The following GPC6 variants were observed in gnomAD, a reference collection of about 807,000 sequenced individuals.
The protein encoded by GPC6 is glypican 6.
GPC6 carries 14 observed loss-of-function variants against 55.2 expected under a neutral mutation model. The observed-to-expected ratio is 0.25, with a 90% CI of 0.17 to 0.40. GPC6 has a LOEUF of 0.40. Ranked by LOEUF, GPC6 falls within the 10% of genes least tolerant of loss-of-function variation. The probability of loss-of-function intolerance (pLI) is 1.00; values close to 1 mark genes in which losing one functional copy is unlikely to be tolerated. For synonymous variants in GPC6, 278 were observed against 259.6 expected, an observed-to-expected ratio of 1.07 and a Z score of -0.68; for missense variants, 641 against 708.5, an observed-to-expected ratio of 0.90 and a Z score of 1.08.
chr13:93,628,220 G>T (rs1473767078), intron 2 of GPC6, among the ~76,000 whole-genome samples: 1 of 152,214 alleles, frequency 6.6e-6, no homozygotes, highest in East Asian at 1.9e-4. Flanking sequence ...CAGAGCCTCA[G>T]CTTGCAGACA....
chr13:93,742,516 A>C (rs985007955), intron 2 of GPC6, among the ~76,000 whole-genome samples: 1 of 152,200 alleles, frequency 6.6e-6, no homozygotes, highest in Admixed American at 6.5e-5. Context: ...TAGCCTTGTG[A>C]ACAAGATGGA....
intron 2 of GPC6, among the ~76,000 whole-genome samples, chr13:93,800,254 T>C (rs1283381465): frequency 6.6e-6 from 1 of 152,194 alleles, no homozygotes; most frequent in Non-Finnish European, 1.5e-5. Context: ...AACTGCATCT[T>C]ATGTGTCATT....
At chr13:93,629,614 T>C (rs1879349742) in intron 2 of GPC6, among the ~76,000 whole-genome samples, 1 of 152,214 alleles carries the variant, frequency 6.6e-6, no homozygotes, top group African/African-American at 2.4e-5. Context: ...CCAATTGTCC[T>C]GACATTAGGT....
intron 1 of GPC6, among the ~76,000 whole-genome samples, chr13:93,457,280 A>G (rs1015407509): frequency 3.3e-5 from 5 of 152,082 alleles, no homozygotes; most frequent in Non-Finnish European, 7.4e-5. Flanking sequence ...TTCTTATTGG[A>G]TTAAGGGACC....
chr13:93,997,586 T>TGTGC (rs933390481), intron 3 of GPC6, among the ~76,000 whole-genome samples: 5 of 132,610 alleles, frequency 3.8e-5, no homozygotes, highest in African/African-American at 1.5e-4. Flanking sequence ...ATAATATGTG[T>TGTGC]GTGTGTGTGT....
rs115205499 is a variant in GPC6 at position 94,286,544 on chromosome 13, G to A, written c.1008+65G>A. On this transcript the variant is annotated intron_variant, in intron 5 of 8. Transcript: ENST00000377047. Reference sequence around the variant, plus strand: ...TATACAGGTGCAATAACCTAAAAACGAAGTAACTAGATATGTCGGCTGGGC... The same window carrying A: ...TATACAGGTGCAATAACCTAAAAACAAAGTAACTAGATATGTCGGCTGGGC... 2,329 of 1,385,184 alleles carry A rather than the reference G, an allele frequency of 1.7e-3. 39 individuals carry two copies. The African/African-American group carries it at 0.029, about 17-fold the overall frequency. 85.8% of individuals were successfully genotyped at this position (1,385,184 alleles called of 1,614,324 possible).
intron 1 of GPC6, among the ~76,000 whole-genome samples, chr13:93,274,008 A>G (rs926702761): frequency 2.0e-5 from 3 of 151,718 alleles, no homozygotes; most frequent in African/African-American, 7.3e-5. Flanking sequence ...GGGTTTCACC[A>G]TGTTGGCCAG....
At chr13:93,837,941 C>T (rs1025384203) in intron 3 of GPC6, among the ~76,000 whole-genome samples, 5 of 152,152 alleles carry the variant, frequency 3.3e-5, no homozygotes, top group Non-Finnish European at 7.4e-5. Flanking sequence ...GCATGTTATC[C>T]TTGAGCCATA....
chr13:93,304,580 G>T (rs1234407014), intron 1 of GPC6, among the ~76,000 whole-genome samples: 1 of 152,178 alleles, frequency 6.6e-6, no homozygotes, highest in Non-Finnish European at 1.5e-5. Flanking sequence ...CTATGTTTTG[G>T]AGAACATAGG....
intron 1 of GPC6, among the ~76,000 whole-genome samples, chr13:93,470,072 T>G (rs1447310696): frequency 2.6e-5 from 4 of 152,156 alleles, no homozygotes; most frequent in African/African-American, 9.6e-5. Context: ...CTGTGTTCCT[T>G]TGCCATTTTT....
At position 94,403,761 on chromosome 13, in the gene GPC6, G is replaced by T. The variant is rs993362491; in HGVS notation, c.*544G>T. The T allele has an allele frequency of 1.6e-5, 3 of 187,120 alleles. No individual in the cohort carries two copies. Among genetic ancestry groups the T allele is most frequent in the Non-Finnish European group, 3.4e-5 (3 of 89,106 alleles). 11.6% of individuals were successfully genotyped at this position (187,120 alleles called of 1,614,324 possible). On this transcript the variant is annotated 3_prime_UTR_variant, in exon 9 of 9. Transcript: ENST00000377047. ...AATGCTTATGGGGAGAAAGCTTAAA[G>T]TTTGTTCTAAATGTAGTGAAAATGC...
chr13:93,726,373 T>C (rs1883641463), intron 2 of GPC6, among the ~76,000 whole-genome samples: 1 of 152,098 alleles, frequency 6.6e-6, no homozygotes, highest in African/African-American at 2.4e-5. Context: ...CCACCTTGTT[T>C]GAAACTCCCT....
rs537434633 is a variant in GPC6, at chr13:93,379,215, A to G, written c.160+151599A>G. 2.0e-5 allele frequency among the ~76,000 whole-genome samples: 3 copies of G among 152,248 alleles called. No homozygotes were observed. In the South Asian group the frequency reaches 6.2e-4, roughly 32 times the overall value. On this transcript the variant is annotated intron_variant, in intron 1 of 8. Coordinates refer to ENST00000377047, the MANE Select transcript of GPC6 (RefSeq NM_005708.5). Reference sequence around the variant, plus strand: ...ACTACATAGCCCAGACTATATGTACATAATTTTCCATTTATCCCAGGACCT... The same window carrying G: ...ACTACATAGCCCAGACTATATGTACGTAATTTTCCATTTATCCCAGGACCT...
chr13:93,754,395 G>C (rs2138867159), intron 2 of GPC6, among the ~76,000 whole-genome samples: 1 of 152,156 alleles, frequency 6.6e-6, no homozygotes, highest in Non-Finnish European at 1.5e-5. Flanking sequence ...CTAATTGTGA[G>C]ACCTTCCAAA....
At chr13:93,738,830 T>G (rs538650506) in intron 2 of GPC6, among the ~76,000 whole-genome samples, 16 of 152,272 alleles carry the variant, frequency 1.1e-4, no homozygotes, top group African/African-American at 3.9e-4. Flanking sequence ...CACTGTAAAG[T>G]TCACTGTTTT....
intron 3 of GPC6, among the ~76,000 whole-genome samples, chr13:93,913,903 C>T (rs1360311203): frequency 2.0e-5 from 3 of 151,798 alleles, no homozygotes; most frequent in Non-Finnish European, 4.4e-5. Context: ...GGATTCACTC[C>T]ACTGTTTCTC....
At chr13:93,299,540 G>T (rs1184411101) in intron 1 of GPC6, among the ~76,000 whole-genome samples, 2 of 152,156 alleles carry the variant, frequency 1.3e-5, no homozygotes, top group Admixed American at 1.3e-4. Context: ...AGTGGTCAAG[G>T]TTAGAATTCA....
chr13:93,675,626 A>G (rs963483894), intron 2 of GPC6, among the ~76,000 whole-genome samples: 16 of 152,192 alleles, frequency 1.1e-4, no homozygotes, highest in Non-Finnish European at 2.2e-4. Flanking sequence ...TTGAAAAATT[A>G]TCTGGAAACA....
At chr13:93,667,830 C>A (rs998934553) in intron 2 of GPC6, among the ~76,000 whole-genome samples, 1 of 149,448 alleles carries the variant, frequency 6.7e-6, no homozygotes, top group African/African-American at 2.5e-5. Context: ...TGCTGAACAG[C>A]TTAGCCTGGT....
Sources: allele counts gnomAD v4.1 joint callset (sites outside exome capture counted in the v4.1 genomes callset), GRCh38; gene constraint gnomAD v4.1.1; transcripts MANE v1.5; gene names NCBI Gene and HGNC (gene_info 2026-07-23, HGNC 2026-07-21).